The following GARIN5B variants were observed in gnomAD, a reference collection of about 807,000 sequenced individuals.
GARIN5B encodes the protein Golgi-associated RAB2 interactor protein 5B.
the GARIN5B span, chr19:55,361,012 G>A: frequency 3.2e-6 from 5 of 1,551,046 alleles, no homozygotes; most frequent in Non-Finnish European, 4.4e-6. Context: ...CTTTTCTGCA[G>A]GTTTCTTCCT....
chr19:55,362,589 G>A, the GARIN5B span: 37 of 1,542,650 alleles, frequency 2.4e-5, no homozygotes, highest in African/African-American at 1.4e-4. Flanking sequence ...TGGTCAGCAC[G>A]AGGCCGGAGC....
At chr19:55,360,930 T>G in the GARIN5B span, 1 of 1,542,572 alleles carries the variant, frequency 6.5e-7, no homozygotes. Flanking sequence ...CCGTGGGACT[T>G]TGGTGGCATC....
the GARIN5B span, chr19:55,360,796 T>C: frequency 3.2e-6 from 5 of 1,551,340 alleles, no homozygotes; most frequent in Non-Finnish European, 4.4e-6. Flanking sequence ...TCTGAGCCCT[T>C]TGGGGCAGGA....
the GARIN5B span, among the ~76,000 whole-genome samples, chr19:55,357,736 C>CAA: frequency 6.6e-6 from 1 of 152,226 alleles, no homozygotes; most frequent in Non-Finnish European, 1.5e-5. Context: ...ATGCCTGGCA[C>CAA]AGAGTCGGCA....
the GARIN5B span, chr19:55,359,964 A>G: frequency 1.3e-6 from 2 of 1,548,480 alleles, no homozygotes; most frequent in South Asian, 2.4e-5. Flanking sequence ...GCTTCATCAG[A>G]TGCAGATGTG....
At chr19:55,358,152 G>T in the GARIN5B span, 36 of 1,481,106 alleles carry the variant, frequency 2.4e-5, no homozygotes, top group Non-Finnish European at 3.1e-5. Flanking sequence ...TACCTGGGCA[G>T]AAGGTTCAAG....
the GARIN5B span, chr19:55,359,690 C>A: frequency 1.3e-6 from 2 of 1,551,534 alleles, no homozygotes; most frequent in Non-Finnish European, 1.7e-6. Context: ...TGGCCCCGGC[C>A]CCTGGTGGGA....
the GARIN5B span, among the ~76,000 whole-genome samples, chr19:55,356,535 T>A: frequency 1.3e-5 from 2 of 152,150 alleles, no homozygotes; most frequent in East Asian, 3.9e-4. Flanking sequence ...CTTGAAATCC[T>A]GACCTCGTGA....
At chr19:55,359,952 T>A in the GARIN5B span, 1 of 1,549,660 alleles carries the variant, frequency 6.5e-7, no homozygotes, top group South Asian at 1.2e-5. Context: ...CCCTGGCCTG[T>A]GGCTTCATCA....
At chr19:55,361,667 TCA>T in the GARIN5B span, among the ~76,000 whole-genome samples, 2 of 14,456 alleles carry the variant, frequency 1.4e-4, no homozygotes, top group Non-Finnish European at 2.0e-4. Context: ...CTCCCTTGAC[TCA>T]GGGGTCCAGG....
the GARIN5B span, chr19:55,362,371 G>A: frequency 6.4e-7 from 1 of 1,550,606 alleles, no homozygotes; most frequent in Non-Finnish European, 8.7e-7. Flanking sequence ...CCCAGCAGTG[G>A]AACAGGAAGC....
At chr19:55,362,801 C>CT in the GARIN5B span, 1 of 1,490,326 alleles carries the variant, frequency 6.7e-7, no homozygotes, top group Non-Finnish European at 9.0e-7. Flanking sequence ...AGCCTCCCTC[C>CT]TGATCGTCCC....
At chr19:55,358,121 A>G in the GARIN5B span, 2 of 1,441,640 alleles carry the variant, frequency 1.4e-6, no homozygotes, top group Admixed American at 5.8e-5. Flanking sequence ...CTCACAGTAA[A>G]TAATAGCTGC....
chr19:55,361,935 C>CAT, the GARIN5B span, among the ~76,000 whole-genome samples: 1 of 146,362 alleles, frequency 6.8e-6, no homozygotes, highest in African/African-American at 2.6e-5. Context: ...GCCCCCAGTC[C>CAT]CTCCTCCCTC....
the GARIN5B span, chr19:55,363,016 C>T: frequency 4.0e-6 from 6 of 1,491,232 alleles, no homozygotes; most frequent in Middle Eastern, 1.8e-4. The surrounding 1 kb of genome is among the most constrained non-coding windows in gnomAD (Gnocchi z 4.0). Context: ...GGACCCACTT[C>T]GGGGTGCCCT....
chr19:55,357,096 A>G, the GARIN5B span, among the ~76,000 whole-genome samples: 1 of 152,084 alleles, frequency 6.6e-6, no homozygotes, highest in Non-Finnish European at 1.5e-5. Flanking sequence ...CCTCCAACCC[A>G]TGAGTAGTCA....
At chr19:55,359,093 A>G in the GARIN5B span, 9 of 1,551,050 alleles carry the variant, frequency 5.8e-6, no homozygotes, top group Non-Finnish European at 7.8e-6. Flanking sequence ...CTGGGTGCGC[A>G]CCGTCACCAC....
the GARIN5B span, among the ~76,000 whole-genome samples, chr19:55,360,313 C>T: frequency 7.0e-6 from 1 of 142,690 alleles, no homozygotes; most frequent in Non-Finnish European, 1.5e-5. Context: ...GGCCCCAGCT[C>T]CTCCTCCCTC....
chr19:55,357,727 T>C, the GARIN5B span, among the ~76,000 whole-genome samples: 1 of 149,608 alleles, frequency 6.7e-6, no homozygotes, highest in Admixed American at 6.6e-5. Context: ...CCTAGAACAA[T>C]GCCTGGCACA....
Sources: gnomAD v4.1 joint callset for allele counts (sites outside exome capture counted in the v4.1 genomes callset) on GRCh38, gnomAD v4.1.1 for gene constraint, Gnocchi (gnomAD v3.1) non-coding constraint, MANE v1.5 for transcripts, NCBI Gene and HGNC (gene_info 2026-07-23, HGNC 2026-07-21) for gene names.